TAOK3: variants seen among roughly 807,000 people sequenced by gnomAD.
The protein encoded by TAOK3 is serine/threonine-protein kinase TAO3.
A neutral mutation model predicts 120.4 loss-of-function variants in TAOK3; 40 were observed. The observed-to-expected ratio is 0.33, with a 90% CI of 0.26 to 0.43. The LOEUF (loss-of-function observed/expected upper bound fraction) is 0.43. Among genes scored for constraint, TAOK3 ranks in the 20% least tolerant of loss-of-function variants. The pLI is 1.00. For missense variants in TAOK3, 821 were observed against 1,112.1 expected, an observed-to-expected ratio of 0.74 and a Z score of 3.72; for synonymous variants, 355 against 387.5, an observed-to-expected ratio of 0.92 and a Z score of 0.99.
chr12:118,334,187 C>T (rs547351683), intron 1 of TAOK3, among the ~76,000 whole-genome samples: 3 of 149,018 alleles, frequency 2.0e-5, no homozygotes, highest in Admixed American at 6.7e-5. Context: ...TGAAGGGATA[C>T]TAGCATTGCC....
chr12:118,277,538 G>A (rs1321885106), intron 1 of TAOK3, among the ~76,000 whole-genome samples: 1 of 151,522 alleles, frequency 6.6e-6, no homozygotes, highest in African/African-American at 2.4e-5. Flanking sequence ...TCGGCTCACT[G>A]CAACCTCTGC....
chr12:118,311,879 CAG>C (rs1462580872), intron 1 of TAOK3, among the ~76,000 whole-genome samples: 2 of 152,018 alleles, frequency 1.3e-5, no homozygotes, highest in African/African-American at 4.8e-5. Context: ...TGAGCCAAAA[CAG>C]GGAATAAAAC....
intron 16 of TAOK3, among the ~76,000 whole-genome samples, chr12:118,173,814 ACTC>A (rs374051940): frequency 0.01 from 1,524 of 152,260 alleles, 32 homozygotes; most frequent in African/African-American, 0.035. Flanking sequence ...TTGGTTAGCT[ACTC>A]ACTCAGCTAA....
intron 11 of TAOK3, among the ~76,000 whole-genome samples, chr12:118,203,948 G>A (rs2038162610): frequency 2.0e-5 from 3 of 152,078 alleles, no homozygotes; most frequent in Admixed American, 1.3e-4. Flanking sequence ...AAGAGTTCAC[G>A]AAACACTGTT....
intron 9 of TAOK3, among the ~76,000 whole-genome samples, chr12:118,221,538 A>G (rs1015884944): frequency 6.6e-6 from 1 of 151,964 alleles, no homozygotes; most frequent in Non-Finnish European, 1.5e-5. Context: ...CCAGCAAAAT[A>G]TAGTAGTTTG....
intron 1 of TAOK3, among the ~76,000 whole-genome samples, chr12:118,356,750 A>G (rs1366763472): frequency 7.9e-6 from 1 of 127,368 alleles, no homozygotes; most frequent in Non-Finnish European, 1.5e-5. Context: ...CCCTCTTTAC[A>G]AAAAAAAAGA....
In TAOK3 at chr12:118,301,180, A is replaced by C. The variant is rs564954365; in HGVS notation, c.-193-34421T>G. On this transcript the variant is annotated intron_variant, in intron 1 of 20. Transcript: ENST00000392533. Reference sequence around the variant, plus strand: ...TACAATTTTTGCCTTTTCCACACACACCTGCCAGGGTTTCCTTGGTGCTTA... The same window carrying C: ...TACAATTTTTGCCTTTTCCACACACCCCTGCCAGGGTTTCCTTGGTGCTTA... 1.7e-3 allele frequency among the ~76,000 whole-genome samples: 262 copies of C among 152,292 alleles called. 3 individuals are homozygous for C. Among genetic ancestry groups the C allele is most frequent in the South Asian group, 5.8e-3 (28 of 4,828 alleles).
At position 118,363,727 on chromosome 12, in the gene TAOK3, AGTGTGTGTGTGT is replaced by A. The variant is rs552898130; in HGVS notation, c.-194+8909_-194+8920del. Among the ~76,000 whole-genome samples, 439 of 147,506 alleles carry A rather than the reference AGTGTGTGTGTGT, an allele frequency of 3.0e-3. 4 individuals are homozygous for A. Among genetic ancestry groups the A allele is most frequent in the African/African-American group, 0.01 (402 of 39,850 alleles). On this transcript the variant is annotated intron_variant, in intron 1 of 20. Transcript: ENST00000392533. ...TTAAGAAGACCAGTCTGGTCAAGGCAGTGTGTGTGTGTGTGTGTGTGTGTGTGTGAGAGAGAG... is the reference window on the plus strand; with the variant it reads ...TTAAGAAGACCAGTCTGGTCAAGGCAGTGTGTGTGTGTGTGTGAGAGAGAG...
chr12:118,336,338 T>C (rs1223179802), intron 1 of TAOK3, among the ~76,000 whole-genome samples: 1 of 152,138 alleles, frequency 6.6e-6, no homozygotes, highest in Non-Finnish European at 1.5e-5. Context: ...ATTTACAAAG[T>C]GATTCAACGG....
chr12:118,280,217 C>T (rs909766625), intron 1 of TAOK3, among the ~76,000 whole-genome samples: 11 of 152,168 alleles, frequency 7.2e-5, no homozygotes, highest in Middle Eastern at 3.4e-3. Context: ...TGCGCCACTA[C>T]GCCCAGCTAA....
intron 1 of TAOK3, among the ~76,000 whole-genome samples, chr12:118,325,510 G>C (rs2043900846): frequency 1.3e-5 from 2 of 151,932 alleles, no homozygotes; most frequent in South Asian, 4.2e-4. Context: ...ATACCTGTTG[G>C]CCATTTTTAT....
intron 2 of TAOK3, among the ~76,000 whole-genome samples, chr12:118,263,256 C>T (rs1277857646): frequency 1.3e-5 from 2 of 152,116 alleles, no homozygotes; most frequent in Non-Finnish European, 2.9e-5. Flanking sequence ...TAATTGTCTT[C>T]AATGAATGGT....
intron 16 of TAOK3, among the ~76,000 whole-genome samples, chr12:118,174,716 G>A (rs1161383947): frequency 6.6e-6 from 1 of 152,096 alleles, no homozygotes; most frequent in African/African-American, 2.4e-5. Flanking sequence ...AGGCTGGAGT[G>A]CAGTGGTGTG....
intron 9 of TAOK3, among the ~76,000 whole-genome samples, chr12:118,226,572 T>C (rs1224329358): frequency 6.6e-6 from 1 of 152,096 alleles, no homozygotes; most frequent in Non-Finnish European, 1.5e-5. Context: ...TGAGATAATT[T>C]GACCAAAGTC....
At position 118,302,593 on chromosome 12, in the gene TAOK3, C is replaced by T. The variant is rs74593619; in HGVS notation, c.-193-35834G>A. Reference sequence around the variant, plus strand: ...GGTCAAAGGTAAGAAAGAGACAGGACAGCTAATAGTCACTGTTTTTAATTG... The same window carrying T: ...GGTCAAAGGTAAGAAAGAGACAGGATAGCTAATAGTCACTGTTTTTAATTG... On this transcript the variant is annotated intron_variant, in intron 1 of 20. Transcript: ENST00000392533. 5.2e-3 allele frequency among the ~76,000 whole-genome samples: 784 copies of T among 152,210 alleles called. 6 individuals are homozygous for T. Among genetic ancestry groups the T allele is most frequent in the African/African-American group, 0.018 (744 of 41,540 alleles).
rs2034328887 is a variant in TAOK3 at position 118,150,694 on chromosome 12, G to A, written c.*303C>T. The A allele has an allele frequency of 4.2e-6, 1 of 240,632 alleles. No individual in the cohort carries two copies. The highest frequency in any genetic ancestry group is 8.0e-6 in the Non-Finnish European group (1 of 125,034). 14.9% of individuals were successfully genotyped at this position (240,632 alleles called of 1,614,324 possible). ...TTTTTGTTGTTGGTTTATTGGTTTTGTTAAAACTGTCTCCAAAGTTTTCAC... is the reference window on the plus strand; with the variant it reads ...TTTTTGTTGTTGGTTTATTGGTTTTATTAAAACTGTCTCCAAAGTTTTCAC... On this transcript the variant is annotated 3_prime_UTR_variant, in exon 21 of 21. Transcript: ENST00000392533.
Position 118,181,468 on chromosome 12 carries a change from C to T in TAOK3, c.1469G>A (p.Arg490His), listed in dbSNP as rs776166030. 8.7e-6 allele frequency: 14 copies of T among 1,614,056 alleles called. No homozygotes were observed. The Admixed American group carries it at 1.0e-4, about 12-fold the overall frequency. Residue 490 changes from arginine to histidine, a missense_variant, in exon 15 of 21, where the codon CGC becomes CAC. Physicochemically the swap from Arg to His is conservative, Grantham distance 29. Around this residue, in one of 2 missense-constraint regions of TAOK3, gnomAD observed 354 missense variants for 572.1 expected, o/e 0.62. Transcript: ENST00000392533. ...CTCCACCTCCTTCTGTAGCTTGAGGCGGTGCTCGTCCATCTCAGCCTTCAG... is the reference window on the plus strand; with the variant it reads ...CTCCACCTCCTTCTGTAGCTTGAGGTGGTGCTCGTCCATCTCAGCCTTCAG... ...NKLKAEMDEHRLKLQKEVETH... is the reference protein window; with the variant it reads ...NKLKAEMDEHHLKLQKEVETH...
At chr12:118,205,400 C>A (rs2038245183) in intron 11 of TAOK3, among the ~76,000 whole-genome samples, 2 of 150,796 alleles carry the variant, frequency 1.3e-5, no homozygotes, top group African/African-American at 4.9e-5. Flanking sequence ...TTTTCTTTTT[C>A]AAAGTGAGAA....
At chr12:118,250,352 T>C (rs762792143) in intron 3 of TAOK3, among the ~76,000 whole-genome samples, 2 of 152,198 alleles carry the variant, frequency 1.3e-5, no homozygotes, top group African/African-American at 2.4e-5. Flanking sequence ...GAACATAACA[T>C]ATACTCTCAG....
Sources: allele counts gnomAD v4.1 joint callset (sites outside exome capture counted in the v4.1 genomes callset), GRCh38; gene constraint gnomAD v4.1.1; regional missense constraint gnomAD v4.1.1; transcripts MANE v1.5; gene names NCBI Gene and HGNC (gene_info 2026-07-23, HGNC 2026-07-21).